Variants in ARL15 observed in about 807,000 individuals in gnomAD.
ARL15 encodes ADP-ribosylation factor-like protein 15.
ARL15 carries 19 observed loss-of-function variants against 25.2 expected under a neutral mutation model. The ratio of observed to expected loss-of-function variants is 0.75; its 90% confidence interval spans 0.53 to 1.10. The LOEUF (loss-of-function observed/expected upper bound fraction) is 1.10, where lower values mean the gene tolerates loss of function less well. Ranked by LOEUF, ARL15 falls within the 50% of genes least tolerant of loss-of-function variation. ARL15 has a pLI of 0.00. For missense variants in ARL15, 220 were observed against 246.0 expected (o/e 0.89, Z 0.71); for synonymous variants, 94 against 86.8 (o/e 1.08, Z -0.46).
chr5:54,034,236 A>T (rs1750098247), intron 4 of ARL15, among the ~76,000 whole-genome samples: 1 of 152,232 alleles, frequency 6.6e-6, no homozygotes, highest in African/African-American at 2.4e-5. Context: ...AAATTGAAAA[A>T]TTAATCCATT....
chr5:53,947,573 G>A (rs1746790408), intron 4 of ARL15, among the ~76,000 whole-genome samples: 1 of 152,114 alleles, frequency 6.6e-6, no homozygotes, highest in Non-Finnish European at 1.5e-5. Flanking sequence ...GAAGAGCAAA[G>A]ATCCTACCAA....
chr5:54,113,856 CT>C (rs1002543565), intron 3 of ARL15, among the ~76,000 whole-genome samples: 14 of 152,160 alleles, frequency 9.2e-5, no homozygotes, highest in Admixed American at 7.2e-4. Flanking sequence ...CTTGGTGATA[CT>C]TTTTTAACAG....
At chr5:54,029,333 TACCACCACCACCACCACCACC>T (rs34152775) in intron 4 of ARL15, among the ~76,000 whole-genome samples, 18 of 94,686 alleles carry the variant, frequency 1.9e-4, no homozygotes, top group South Asian at 1.7e-3. Context: ...CCACCACCAC[TACCACCACCACCACCACCACC>T]ACCACCACCA....
intron 4 of ARL15, among the ~76,000 whole-genome samples, chr5:54,003,640 T>C (rs1748916076): frequency 6.6e-6 from 1 of 151,474 alleles, no homozygotes; most frequent in Non-Finnish European, 1.5e-5. Context: ...AATGTCAGAA[T>C]GTCAGTCAGA....
intron 4 of ARL15, among the ~76,000 whole-genome samples, chr5:53,897,628 A>G (rs1374696784): frequency 6.6e-6 from 1 of 152,218 alleles, no homozygotes; most frequent in Admixed American, 6.5e-5. Flanking sequence ...TATGTTGTCA[A>G]ATGCTTTTCC....
chr5:54,207,277 G>A lies in ARL15; in HGVS notation c.49-35349C>T, dbSNP rs566774450. 4.6e-5 allele frequency among the ~76,000 whole-genome samples: 7 copies of A among 152,320 alleles called. No homozygotes were observed. The South Asian group carries it at 1.4e-3, about 32-fold the overall frequency. On this transcript the variant is annotated intron_variant, in intron 1 of 4. Coordinates refer to ENST00000504924, the MANE Select transcript of ARL15 (RefSeq NM_019087.3). ...AGGGAGACTAAGAGAATTTTAAAAA[G>A]AGGCCAAACTGCACTTAAAACTCCT... is the stretch of plus-strand genomic sequence containing the variant.
intron 4 of ARL15, among the ~76,000 whole-genome samples, chr5:53,939,627 C>T (rs1306614232): frequency 2.0e-5 from 3 of 151,794 alleles, no homozygotes; most frequent in Non-Finnish European, 4.4e-5. Context: ...CCCACCTACT[C>T]TGGAGGTTGA....
intron 4 of ARL15, among the ~76,000 whole-genome samples, chr5:53,925,069 TAA>T (rs3839229): frequency 2.0e-5 from 3 of 151,070 alleles, no homozygotes; most frequent in Non-Finnish European, 3.0e-5. Flanking sequence ...TTTTCAACAT[TAA>T]AAAAAAAATT....
chr5:54,300,873 T>G (rs1266642946), intron 1 of ARL15, among the ~76,000 whole-genome samples: 1 of 152,180 alleles, frequency 6.6e-6, no homozygotes, highest in Non-Finnish European at 1.5e-5. Flanking sequence ...TTTCAGAGTT[T>G]CCATGACCCT....
At chr5:54,208,702 C>T (rs920930444) in intron 1 of ARL15, among the ~76,000 whole-genome samples, 4 of 152,006 alleles carry the variant, frequency 2.6e-5, no homozygotes, top group African/African-American at 9.7e-5. Flanking sequence ...TCAAAAAAAC[C>T]GACTTCCCAT....
At chr5:54,101,716 T>C (rs1171967634) in intron 4 of ARL15, among the ~76,000 whole-genome samples, 1 of 152,180 alleles carries the variant, frequency 6.6e-6, no homozygotes, top group Non-Finnish European at 1.5e-5. Context: ...AAGTACCTGA[T>C]GACCTCATGC....
At chr5:54,285,070 A>G (rs1344137026) in intron 1 of ARL15, among the ~76,000 whole-genome samples, 5 of 152,212 alleles carry the variant, frequency 3.3e-5, no homozygotes, top group Non-Finnish European at 1.5e-5. Context: ...TATTTCCAAT[A>G]AAAGAATGAG....
chr5:54,141,675 G>A (rs907834605), intron 3 of ARL15, among the ~76,000 whole-genome samples: 2 of 152,042 alleles, frequency 1.3e-5, no homozygotes, highest in Admixed American at 6.5e-5. Context: ...GTTTTCTCAT[G>A]ACCCTTTTAA....
rs77870511 is a variant in ARL15 at position 53,898,096 on chromosome 5, T to A, written c.463-11383A>T. Among the ~76,000 whole-genome samples the A allele has an allele frequency of 2.0e-5, 3 of 152,330 alleles. No homozygotes were observed. In the South Asian group the frequency reaches 6.2e-4, roughly 32 times the overall value. On this transcript the variant is annotated intron_variant, in intron 4 of 4. Transcript: ENST00000504924. The stretch of plus-strand genomic sequence containing the variant: ...ATTATAAACTTCTTCACTGTCTTCA[T>A]GTTGAGCACGCTGAGGAGGAGGAGG...
chr5:54,270,526 C>A (rs1409167857), intron 1 of ARL15, among the ~76,000 whole-genome samples: 1 of 152,240 alleles, frequency 6.6e-6, no homozygotes, highest in Non-Finnish European at 1.5e-5. Context: ...AATTGGAGCT[C>A]TGTTCATTCA....
At chr5:53,890,779 T>C (rs975746711) in intron 4 of ARL15, among the ~76,000 whole-genome samples, 7 of 152,240 alleles carry the variant, frequency 4.6e-5, no homozygotes, top group African/African-American at 1.7e-4. Context: ...ACATCGCGTT[T>C]ACTGTAAAGT....
chr5:54,014,653 T>C (rs1325836325), intron 4 of ARL15, among the ~76,000 whole-genome samples: 4 of 152,060 alleles, frequency 2.6e-5, no homozygotes, highest in African/African-American at 7.2e-5. Flanking sequence ...CCCAAGTAGC[T>C]GGGATTACAG....
intron 4 of ARL15, among the ~76,000 whole-genome samples, chr5:54,107,733 G>A (rs12054905): frequency 6.6e-6 from 1 of 152,032 alleles, no homozygotes; most frequent in Non-Finnish European, 1.5e-5. Flanking sequence ...GGAAAGGAAT[G>A]GGGGTTTTAA....
intron 1 of ARL15, among the ~76,000 whole-genome samples, chr5:54,217,790 A>G (rs1756254295): frequency 6.6e-6 from 1 of 152,192 alleles, no homozygotes; most frequent in Non-Finnish European, 1.5e-5. Context: ...TAACCATTTT[A>G]TATATTTATA....
Sources: gnomAD v4.1 joint callset for allele counts (sites outside exome capture counted in the v4.1 genomes callset) on GRCh38, gnomAD v4.1.1 for gene constraint, MANE v1.5 for transcripts, NCBI Gene and HGNC (gene_info 2026-07-23, HGNC 2026-07-21) for gene names.